TSHR: variants seen among roughly 807,000 people sequenced by gnomAD.
The protein encoded by TSHR is thyroid stimulating hormone receptor, also known as thyrotropin receptor.
Under a neutral mutation model 64.1 loss-of-function variants are expected in TSHR, and 51 were observed. That is an observed-to-expected ratio of 0.80 (90% CI 0.64 to 1.01). The LOEUF (loss-of-function observed/expected upper bound fraction) is 1.01, where lower values mean the gene tolerates loss of function less well. Among genes scored for constraint, TSHR ranks in the 50% least tolerant of loss-of-function variants. The pLI is 0.00. For missense variants in TSHR, 877 were observed against 942.8 expected, an observed-to-expected ratio of 0.93 and a Z score of 0.91; for synonymous variants, 361 against 361.9, an observed-to-expected ratio of 1.00 and a Z score of 0.03.
At chr14:81,118,873 G>A (rs1344681849) in intron 8 of TSHR, among the ~76,000 whole-genome samples, 7 of 149,490 alleles carry the variant, frequency 4.7e-5, no homozygotes, top group East Asian at 4.1e-4. Flanking sequence ...AAATAATGCC[G>A]CATGTCTACA....
chr14:80,958,066 C>G (rs1382273411), intron 1 of TSHR: 1 of 151,960 alleles, frequency 6.6e-6, no homozygotes, highest in Non-Finnish European at 1.5e-5. Context: ...CCATCTGCAA[C>G]AGTAGAAAAA....
rs114141284 is a variant in TSHR at position 81,105,800 on chromosome 14, G to A, written c.615-2575G>A. On this transcript the variant is annotated intron_variant, in intron 7 of 9. Coordinates refer to ENST00000298171, the MANE Select transcript of TSHR (RefSeq NM_000369.5). ...GAGGAAAAACTGAGATGAGTTCACCGGCTCTTACTTGATTTTCAACAGCCT... is the reference window on the plus strand; with the variant it reads ...GAGGAAAAACTGAGATGAGTTCACCAGCTCTTACTTGATTTTCAACAGCCT... Among the ~76,000 whole-genome samples, 696 of 152,300 alleles carry A rather than the reference G, an allele frequency of 4.6e-3. 9 individuals are homozygous for A. Among genetic ancestry groups the A allele is most frequent in the African/African-American group, 0.016 (661 of 41,556 alleles).
intron 1 of TSHR, among the ~76,000 whole-genome samples, chr14:81,058,314 A>G (rs1365970436): frequency 3.9e-5 from 6 of 152,204 alleles, no homozygotes; most frequent in South Asian, 2.1e-4. Flanking sequence ...CATACCTCCA[A>G]TGGTCATTCT....
At chr14:80,995,644 A>T (rs1888970067) in intron 1 of TSHR, 1 of 152,078 alleles carries the variant, frequency 6.6e-6, no homozygotes, top group African/African-American at 2.4e-5. Flanking sequence ...ACATGGGTGC[A>T]TAGAGGGAAC....
intron 1 of TSHR, among the ~76,000 whole-genome samples, chr14:81,027,525 C>A (rs985973860): frequency 1.2e-4 from 18 of 152,270 alleles, no homozygotes; most frequent in Non-Finnish European, 2.4e-4. Flanking sequence ...CTTCAAATTT[C>A]TCTCCATTCA....
At chr14:81,121,985 G>T (rs1477462239) in intron 8 of TSHR, among the ~76,000 whole-genome samples, 4 of 122,820 alleles carry the variant, frequency 3.3e-5, no homozygotes, top group African/African-American at 1.1e-4. Flanking sequence ...GGAATTCATT[G>T]TGTGAAAAAC....
chr14:80,993,838 C>T (rs1457385688), intron 1 of TSHR: 1 of 143,868 alleles, frequency 7.0e-6, no homozygotes, highest in Non-Finnish European at 1.6e-5. Flanking sequence ...TAGACAAAAA[C>T]AGGATTAAAA....
intron 3 of TSHR, among the ~76,000 whole-genome samples, chr14:81,086,848 A>G (rs1888322221): frequency 6.6e-6 from 1 of 152,248 alleles, no homozygotes; most frequent in South Asian, 2.1e-4. Context: ...ATATGATTCC[A>G]TTTATATGAA....
intron 8 of TSHR, among the ~76,000 whole-genome samples, chr14:81,131,543 G>T (rs1234964305): frequency 6.6e-6 from 1 of 152,102 alleles, no homozygotes; most frequent in Non-Finnish European, 1.5e-5. Context: ...CATGTTCTAT[G>T]CCCTCACCGT....
chr14:80,962,908 T>C (rs892103957), intron 1 of TSHR, among the ~76,000 whole-genome samples: 9 of 152,190 alleles, frequency 5.9e-5, no homozygotes, highest in Non-Finnish European at 1.2e-4. Flanking sequence ...AAGGGTGTGC[T>C]CTAGTCAATT....
intron 8 of TSHR, chr14:81,108,957 T>C (rs1308342031): frequency 7.5e-7 from 1 of 1,331,518 alleles, no homozygotes; most frequent in Non-Finnish European, 9.6e-7. Context: ...CATACCTATT[T>C]GTGCATTTCC....
chr14:81,062,660 T>C (rs1220574529), intron 2 of TSHR, among the ~76,000 whole-genome samples: 1 of 152,152 alleles, frequency 6.6e-6, no homozygotes, highest in African/African-American at 2.4e-5. Context: ...AGCCAGTGGT[T>C]TCAGATCTCT....
intron 1 of TSHR, among the ~76,000 whole-genome samples, chr14:81,040,642 A>G (rs1381029898): frequency 6.6e-6 from 1 of 152,146 alleles, no homozygotes; most frequent in Non-Finnish European, 1.5e-5. Context: ...TGTTCCACAT[A>G]ACATTTTGGT....
intron 1 of TSHR, chr14:80,992,713 CCTAA>C (rs1306401696): frequency 2.0e-5 from 3 of 152,072 alleles, no homozygotes; most frequent in African/African-American, 4.8e-5. Flanking sequence ...AAGATGATAA[CCTAA>C]CTAAGATAAA....
chr14:81,001,228 A>G (rs1889295891), intron 1 of TSHR: 1 of 168,216 alleles, frequency 5.9e-6, no homozygotes, highest in Non-Finnish European at 1.3e-5. Flanking sequence ...CTTATGTACA[A>G]CAGAAATATC....
chr14:80,962,767 A>C (rs1887099744), intron 1 of TSHR, among the ~76,000 whole-genome samples: 1 of 152,180 alleles, frequency 6.6e-6, no homozygotes, highest in Non-Finnish European at 1.5e-5. Flanking sequence ...TCAGGGAGGG[A>C]AGTTCATAGA....
rs960290362 is a variant in TSHR at position 81,144,486 on chromosome 14, T to A, written c.*133T>A. The stretch of plus-strand genomic sequence containing the variant: ...GTGCAGGCGATGTTTCAATGTTTCA[T>A]GGGGCAAGAGTTTATCTCTGGAGAG... On this transcript the variant is annotated 3_prime_UTR_variant, in exon 10 of 10. Coordinates refer to ENST00000298171, the MANE Select transcript of TSHR (RefSeq NM_000369.5). The A allele has an allele frequency of 3.2e-6, 3 of 924,496 alleles. No individual in the cohort carries two copies. The highest frequency in any genetic ancestry group is 3.4e-6 in the Non-Finnish European group (2 of 593,186). The allele number at this position is 924,496 out of a possible 1,614,324, so 57.3% of individuals were successfully genotyped here.
chr14:81,043,723 G>C (rs1230844510), intron 1 of TSHR, among the ~76,000 whole-genome samples: 3 of 152,182 alleles, frequency 2.0e-5, no homozygotes, highest in East Asian at 3.9e-4. Context: ...CATGGTACTG[G>C]GACAAGAACA....
At chr14:81,124,693 C>T (rs67915209) in intron 8 of TSHR, among the ~76,000 whole-genome samples, 36,098 of 151,882 alleles carry the variant, frequency 0.24, 4,361 homozygotes, top group East Asian at 0.3. Context: ...TTATACTGGC[C>T]AATGCTTTTA....
Sources: gnomAD v4.1 joint callset for allele counts (sites outside exome capture counted in the v4.1 genomes callset) on GRCh38, gnomAD v4.1.1 for gene constraint, MANE v1.5 for transcripts, NCBI Gene and HGNC (gene_info 2026-07-23, HGNC 2026-07-21) for gene names.